The following SH3RF1 variants were observed in gnomAD, a reference collection of about 807,000 sequenced individuals.
SH3RF1 encodes E3 ubiquitin-protein ligase SH3RF1.
A neutral mutation model predicts 74.0 loss-of-function variants in SH3RF1; 32 were observed. That is an observed-to-expected ratio of 0.43 (90% CI 0.33 to 0.58). The LOEUF (loss-of-function observed/expected upper bound fraction) is 0.58. SH3RF1 is among the 20% of genes least tolerant of loss of function. The probability of loss-of-function intolerance (pLI) is 0.05; values close to 1 mark genes in which losing one functional copy is unlikely to be tolerated. For synonymous variants in SH3RF1, 396 were observed against 439.6 expected (o/e 0.90, Z 1.24); for missense variants, 954 against 1,130.9 (o/e 0.84, Z 2.24).
rs2126931000 is a variant in SH3RF1 at position 169,094,682 on chromosome 4, T to A, written c.*1837A>T. The A allele has an allele frequency of 6.6e-6, 1 of 152,226 alleles. No homozygotes were observed. The highest frequency in any genetic ancestry group is 3.4e-3 in the Middle Eastern group (1 of 292). 9.4% of individuals were successfully genotyped at this position (152,226 alleles called of 1,614,324 possible). ...AAGCTGATGCCAGCTTTTTCCTAACTAAAGTTCATTTCACCAAACCTTTAT... is the reference window on the plus strand; with the variant it reads ...AAGCTGATGCCAGCTTTTTCCTAACAAAAGTTCATTTCACCAAACCTTTAT... On this transcript the variant is annotated 3_prime_UTR_variant, in exon 12 of 12. Transcript: ENST00000284637.
chr4:169,118,888 T>G (rs1240664209), intron 8 of SH3RF1, among the ~76,000 whole-genome samples: 1 of 152,216 alleles, frequency 6.6e-6, no homozygotes, highest in Non-Finnish European at 1.5e-5. Context: ...TACAGCCAAC[T>G]CTAAACATCT....
intron 2 of SH3RF1, among the ~76,000 whole-genome samples, chr4:169,248,124 A>C (rs1254014295): frequency 6.6e-6 from 1 of 152,224 alleles, no homozygotes; most frequent in Non-Finnish European, 1.5e-5. Flanking sequence ...TTGATCCAGC[A>C]ATCCCATTGG....
chr4:169,099,904 G>A (rs189936840), intron 11 of SH3RF1, among the ~76,000 whole-genome samples: 5 of 152,234 alleles, frequency 3.3e-5, no homozygotes, highest in Admixed American at 1.3e-4. Context: ...AGTCTTGATC[G>A]TATGAAGACT....
chr4:169,180,208 T>G (rs1331353425), intron 2 of SH3RF1, among the ~76,000 whole-genome samples: 2 of 152,126 alleles, frequency 1.3e-5, no homozygotes, highest in Non-Finnish European at 2.9e-5. Context: ...TAATACAGTA[T>G]GTCCCAACTT....
Position 169,094,625 on chromosome 4 carries a change from T to C in SH3RF1, c.*1894A>G, listed in dbSNP as rs1732881914. The C allele has an allele frequency of 6.6e-6, 1 of 152,338 alleles. No individual in the cohort carries two copies. The highest frequency in any genetic ancestry group is 1.5e-5 in the Non-Finnish European group (1 of 68,010). 9.4% of individuals were successfully genotyped at this position (152,338 alleles called of 1,614,324 possible). On this transcript the variant is annotated 3_prime_UTR_variant, in exon 12 of 12. Coordinates refer to ENST00000284637, the MANE Select transcript of SH3RF1 (RefSeq NM_020870.4). ...ACTAATTTCCCAAAATAAAGAATAT[T>C]ATGACACATTGGTGTCAACTTACAC...
At position 169,218,655 on chromosome 4, in the gene SH3RF1, C is replaced by G. The variant is rs1189015671; in HGVS notation, c.393+50165G>C. Among the ~76,000 whole-genome samples the G allele has an allele frequency of 2.0e-5, 3 of 151,684 alleles. No individual in the cohort carries two copies. The East Asian group carries it at 5.8e-4, about 29-fold the overall frequency. ...GGACCAAAAGTGAACACCACCATCT[C>G]AATCTAAAATGCAGATACAGCCAAA... On this transcript the variant is annotated intron_variant, in intron 2 of 11. Transcript: ENST00000284637.
intron 3 of SH3RF1, 108 bp from the exon 4 acceptor site, chr4:169,155,683 G>A: frequency 5.1e-6 from 4 of 785,038 alleles, no homozygotes; most frequent in Non-Finnish European, 8.6e-6. Context: ...AAGAGTACAT[G>A]AATAAAAATG....
At chr4:169,252,735 C>T (rs1054868214) in intron 2 of SH3RF1, among the ~76,000 whole-genome samples, 2 of 152,206 alleles carry the variant, frequency 1.3e-5, no homozygotes, top group African/African-American at 4.8e-5. Flanking sequence ...TAAATACGTG[C>T]TGATGGACTG....
Position 169,136,395 on chromosome 4 carries a change from G to C in SH3RF1, c.991C>G (p.Leu331Val). The change falls in exon 5 of 12, where the codon CTC (leucine) becomes GTC (valine). Residue 331 changes from leucine (L) to valine (V), a missense_variant. Around this residue, in one of 3 missense-constraint regions of SH3RF1, gnomAD observed 854 missense variants for 962.5 expected, o/e 0.89. Coordinates refer to ENST00000284637, the MANE Select transcript of SH3RF1 (RefSeq NM_020870.4). ...GCAGTGGGGTTGCTGGAGCTGATGA[G>C]GACAGGGGGGCTGATCTCCATGGAG... ...RHSMEISPPV[L>V]ISSSNPTAAA... The C allele has an allele frequency of 6.2e-7, 1 of 1,602,498 alleles. No homozygotes were observed. Among genetic ancestry groups the C allele is most frequent in the Non-Finnish European group, 8.5e-7 (1 of 1,174,680 alleles).
At chr4:169,207,920 T>TG (rs1401884152) in intron 2 of SH3RF1, among the ~76,000 whole-genome samples, 1 of 151,622 alleles carries the variant, frequency 6.6e-6, no homozygotes, top group Non-Finnish European at 1.5e-5. Flanking sequence ...AATGACACCA[T>TG]GGGGGGTGTC....
chr4:169,116,336 G>A lies in SH3RF1; in HGVS notation c.2072C>T (p.Thr691Ile), dbSNP rs978441058. The A allele has an allele frequency of 6.2e-7, 1 of 1,614,172 alleles. No homozygotes were observed. The highest frequency in any genetic ancestry group is 1.7e-5 in the Admixed American group (1 of 60,026). ...RIVTVLPGLPTSPDSASSACG... is the reference protein window; with the variant it reads ...RIVTVLPGLPISPDSASSACG... The stretch of plus-strand genomic sequence containing the variant: ...AGCTGATGAAGCACTGTCAGGAGAT[G>A]TGGGGAGTCCAGGGAGAACGGTCAC... Residue 691 changes from threonine to isoleucine, a missense_variant, in exon 10 of 12, where the codon ACA (threonine) becomes ATA (isoleucine). Coordinates refer to ENST00000284637, the MANE Select transcript of SH3RF1 (RefSeq NM_020870.4).
intron 2 of SH3RF1, among the ~76,000 whole-genome samples, chr4:169,264,267 T>C (rs533186234): frequency 7.2e-5 from 11 of 152,336 alleles, no homozygotes; most frequent in Non-Finnish European, 1.6e-4. Flanking sequence ...CTTCTCCATG[T>C]GTCTTCACAT....
In SH3RF1 at chr4:169,117,557, C is replaced by G. The variant is rs1310438516; in HGVS notation, c.1743G>C (p.Met581Ile). The change falls in exon 9 of 12, where the codon ATG becomes ATC. Residue 581 changes from methionine to isoleucine, a missense_variant. Physicochemically the swap from Met to Ile is conservative, Grantham distance 10. Transcript: ENST00000284637. ...AKVLLHMTGQ[M>I]TVNQARNAVR... The stretch of plus-strand genomic sequence containing the variant: ...CAGCATTGCGGGCCTGGTTGACTGT[C>G]ATTTGCCCCGTCATGTGCAACAAGA... 1 of 1,614,126 alleles carries G rather than the reference C, an allele frequency of 6.2e-7. No individual in the cohort carries two copies. Among genetic ancestry groups the G allele is most frequent in the African/African-American group, 1.3e-5 (1 of 74,946 alleles).
intron 2 of SH3RF1, among the ~76,000 whole-genome samples, chr4:169,188,885 C>T (rs1039490120): frequency 6.6e-6 from 1 of 152,106 alleles, no homozygotes; most frequent in Non-Finnish European, 1.5e-5. Flanking sequence ...GGTTGCGTCA[C>T]TAAGAAAATA....
intron 2 of SH3RF1, among the ~76,000 whole-genome samples, chr4:169,193,006 C>T (rs1425156406): frequency 6.6e-6 from 1 of 151,672 alleles, no homozygotes; most frequent in East Asian, 1.9e-4. Context: ...AGACTGGATA[C>T]TATTATTCTA....
At chr4:169,204,734 A>G (rs1029930396) in intron 2 of SH3RF1, among the ~76,000 whole-genome samples, 1 of 151,940 alleles carries the variant, frequency 6.6e-6, no homozygotes, top group Non-Finnish European at 1.5e-5. Context: ...GTATTTTAGT[A>G]GAGACGGGGT....
chr4:169,245,218 AACT>A (rs1730975898), intron 2 of SH3RF1, among the ~76,000 whole-genome samples: 1 of 152,220 alleles, frequency 6.6e-6, no homozygotes, highest in African/African-American at 2.4e-5. Context: ...TAACGCTACC[AACT>A]ACTAACTGTG....
chr4:169,139,476 T>C (rs1306829298), intron 4 of SH3RF1, among the ~76,000 whole-genome samples: 1 of 152,264 alleles, frequency 6.6e-6, no homozygotes. Flanking sequence ...TTCTATTGTG[T>C]AAATACACTA....
chr4:169,142,306 T>A (rs1475466548), intron 4 of SH3RF1, among the ~76,000 whole-genome samples: 1 of 152,238 alleles, frequency 6.6e-6, no homozygotes, highest in Non-Finnish European at 1.5e-5. Flanking sequence ...TATATGTATA[T>A]ATGTGTGTAT....
Sources: gnomAD v4.1 joint callset for allele counts (sites outside exome capture counted in the v4.1 genomes callset) on GRCh38, gnomAD v4.1.1 for gene constraint, gnomAD v4.1.1 regional missense constraint, MANE v1.5 for transcripts, NCBI Gene and HGNC (gene_info 2026-07-23, HGNC 2026-07-21) for gene names.